PID1: variants seen among roughly 807,000 people sequenced by gnomAD.
PID1 encodes the protein PTB-containing, cubilin and LRP1-interacting protein.
In PID1, 10 loss-of-function variants were observed where a neutral mutation model predicts 19.1. The ratio of observed to expected loss-of-function variants is 0.52; its 90% CI spans 0.32 to 0.89. The LOEUF (loss-of-function observed/expected upper bound fraction) is 0.89, where lower values mean the gene tolerates loss of function less well. Among genes scored for constraint, PID1 ranks in the 40% least tolerant of loss-of-function variants. The pLI, the probability that PID1 is intolerant of heterozygous loss-of-function variation, is 0.03. For synonymous variants in PID1, 130 were observed against 116.0 expected, an observed-to-expected ratio of 1.12 and a Z score of -0.78; for missense variants, 248 against 285.3, an observed-to-expected ratio of 0.87 and a Z score of 0.94.
chr2:229,166,508 T>C (rs905103130), intron 1 of PID1, among the ~76,000 whole-genome samples: 9 of 152,174 alleles, frequency 5.9e-5, no homozygotes, highest in Non-Finnish European at 1.2e-4. Flanking sequence ...TTCAAATGGC[T>C]TCATCTGATT....
At chr2:229,226,839 G>C (rs938565780) in intron 1 of PID1, among the ~76,000 whole-genome samples, 3 of 152,220 alleles carry the variant, frequency 2.0e-5, no homozygotes, top group African/African-American at 7.2e-5. Flanking sequence ...AGACAGAAAG[G>C]AGGTAAACTG....
intron 1 of PID1, among the ~76,000 whole-genome samples, chr2:229,237,703 A>G (rs1026564841): frequency 1.3e-5 from 2 of 152,108 alleles, no homozygotes; most frequent in Non-Finnish European, 2.9e-5. Flanking sequence ...TAAAAGTGAC[A>G]TTTCTTAAAT....
chr2:229,149,715 C>T lies in PID1; in HGVS notation c.177+6103G>A, dbSNP rs1361441567. On this transcript the variant is annotated intron_variant, in intron 2 of 2. Transcript: ENST00000392055. ...CTCATAAATGGGAAGATGACCGTAG[C>T]GGCTTTAGACTGGGCTTCACATCAA... Among the ~76,000 whole-genome samples, 11 of 152,146 alleles carry T rather than the reference C, an allele frequency of 7.2e-5. 1 individual carries two copies. In the East Asian group the frequency reaches 2.1e-3, roughly 29 times the overall value.
At chr2:229,173,091 C>A (rs1348923183) in intron 1 of PID1, among the ~76,000 whole-genome samples, 1 of 152,148 alleles carries the variant, frequency 6.6e-6, no homozygotes, top group African/African-American at 2.4e-5. Context: ...GAAAGGAGCT[C>A]TCCATGTGAG....
At chr2:229,119,032 C>T (rs1185464740) in intron 2 of PID1, among the ~76,000 whole-genome samples, 2 of 152,164 alleles carry the variant, frequency 1.3e-5, no homozygotes, top group African/African-American at 4.8e-5. Flanking sequence ...GTTGTCTGTA[C>T]CTGAACTGCC....
intron 2 of PID1, among the ~76,000 whole-genome samples, chr2:229,127,478 A>C (rs975048406): frequency 6.6e-6 from 1 of 152,192 alleles, no homozygotes; most frequent in African/African-American, 2.4e-5. Flanking sequence ...CATACAAGCC[A>C]TCAGAAGGTG....
intron 2 of PID1, among the ~76,000 whole-genome samples, chr2:229,058,116 G>A (rs1163886008): frequency 2.0e-5 from 3 of 152,262 alleles, no homozygotes; most frequent in Admixed American, 6.5e-5. Context: ...CTGCTTCTCC[G>A]TGGACACCCA....
rs551048225 is a variant in PID1, at chr2:229,189,253, A to G, written c.31-33289T>C. 1.2e-4 allele frequency among the ~76,000 whole-genome samples: 19 copies of G among 152,312 alleles called. No individual in the cohort carries two copies. In the East Asian group the frequency reaches 3.7e-3, roughly 29 times the overall value. On this transcript the variant is annotated intron_variant, in intron 1 of 2. Coordinates refer to ENST00000392055, the MANE Select transcript of PID1 (RefSeq NM_001100818.2). ...ACACATGGAGCTGCACCCAACCCTA[A>G]GTCACGCAGAATCAATTTACACACT...
intron 2 of PID1, among the ~76,000 whole-genome samples, chr2:229,132,999 G>T (rs1354356479): frequency 1.3e-5 from 2 of 152,044 alleles, no homozygotes; most frequent in Non-Finnish European, 2.9e-5. Context: ...TTAACCTGGC[G>T]ACATTAGGAA....
intron 2 of PID1, among the ~76,000 whole-genome samples, chr2:229,041,701 C>T (rs1276155577): frequency 1.3e-5 from 2 of 152,168 alleles, no homozygotes; most frequent in East Asian, 3.9e-4. Flanking sequence ...ATCTAACACA[C>T]CCCATCACAA....
In PID1 at chr2:229,271,277, G is replaced by C. The variant is rs1690733012; in HGVS notation, c.-234C>G. ...GCGCCGGCTGTCCTGGCGCAGCTGC[G>C]AGAGGACTGCGCAGCTCCGCCCGGG... On this transcript the variant is annotated 5_prime_UTR_variant, in exon 1 of 3. Coordinates refer to ENST00000392055, the MANE Select transcript of PID1 (RefSeq NM_001100818.2). 2.9e-6 allele frequency: 1 copy of C among 341,428 alleles called. No homozygotes were observed. Among genetic ancestry groups the C allele is most frequent in the African/African-American group, 2.2e-5 (1 of 45,076 alleles). The allele number at this position is 341,428 out of a possible 1,614,324, so 21.1% of individuals were successfully genotyped here. A position where few individuals can be genotyped will look rare whatever the true frequency, so the allele number is the denominator to read the frequency against.
At chr2:229,142,054 T>C (rs1690026062) in intron 2 of PID1, among the ~76,000 whole-genome samples, 1 of 152,140 alleles carries the variant, frequency 6.6e-6, no homozygotes, top group African/African-American at 2.4e-5. Context: ...ATGAAATTTT[T>C]ATGACCCCGT....
At position 229,150,176 on chromosome 2, in the gene PID1, C is replaced by T. The variant is rs1411818300; in HGVS notation, c.177+5642G>A. 2.0e-5 allele frequency among the ~76,000 whole-genome samples: 3 copies of T among 146,658 alleles called. No homozygotes were observed. The Admixed American group carries it at 2.1e-4, about 10-fold the overall frequency. On this transcript the variant is annotated intron_variant, in intron 2 of 2. Coordinates refer to ENST00000392055, the MANE Select transcript of PID1 (RefSeq NM_001100818.2). ...TTGAACCTGGGAGGTGGAAAGGTTG[C>T]AGTGAGCTGACATCACACCACTGCA...
At chr2:229,199,749 CAT>C (rs71420300) in intron 1 of PID1, among the ~76,000 whole-genome samples, 9 of 121,154 alleles carry the variant, frequency 7.4e-5, no homozygotes, top group African/African-American at 1.7e-4. Context: ...TATATATACA[CAT>C]ACACACACAC....
intron 2 of PID1, among the ~76,000 whole-genome samples, chr2:229,131,218 T>A (rs1689733127): frequency 6.6e-6 from 1 of 151,664 alleles, no homozygotes; most frequent in South Asian, 2.1e-4. Flanking sequence ...TTTCTTTTCT[T>A]TTCTCTTTTC....
At position 229,271,202 on chromosome 2, in the gene PID1, G is replaced by A; in HGVS notation, c.-159C>T. On this transcript the variant is annotated 5_prime_UTR_variant, in exon 1 of 3. Transcript: ENST00000392055. ...GCCGGGTGGGCGTAGGGGGCTGCGAGCAGGAGGAGGCGCGGCGCTCAGCTG... is the reference window on the plus strand; with the variant it reads ...GCCGGGTGGGCGTAGGGGGCTGCGAACAGGAGGAGGCGCGGCGCTCAGCTG... 2 of 662,044 alleles carry A rather than the reference G, an allele frequency of 3.0e-6. No individual in the cohort carries two copies. Among genetic ancestry groups the A allele is most frequent in the African/African-American group, 1.9e-5 (1 of 51,842 alleles). 41.0% of individuals were successfully genotyped at this position (662,044 alleles called of 1,614,324 possible).
intron 2 of PID1, among the ~76,000 whole-genome samples, chr2:229,090,179 A>G (rs998362553): frequency 2.0e-5 from 3 of 152,178 alleles, no homozygotes; most frequent in African/African-American, 7.2e-5. Context: ...ACACCTGCCT[A>G]TTCCTAAGGT....
chr2:229,080,122 C>T (rs1268675474), intron 2 of PID1, among the ~76,000 whole-genome samples: 1 of 152,144 alleles, frequency 6.6e-6, no homozygotes, highest in Non-Finnish European at 1.5e-5. Flanking sequence ...GCTGCCTGGC[C>T]AGGAGGAGAC....
intron 1 of PID1, among the ~76,000 whole-genome samples, chr2:229,262,512 A>G (rs1690485526): frequency 6.6e-6 from 1 of 152,184 alleles, no homozygotes; most frequent in Non-Finnish European, 1.5e-5. Flanking sequence ...TTATAGACAC[A>G]TGCATTGTGT....
Sources: gnomAD v4.1 joint callset for allele counts (sites outside exome capture counted in the v4.1 genomes callset) on GRCh38, gnomAD v4.1.1 for gene constraint, MANE v1.5 for transcripts, NCBI Gene and HGNC (gene_info 2026-07-23, HGNC 2026-07-21) for gene names.